Variants in RNFT2 observed in about 807,000 individuals in gnomAD.
RNFT2 encodes the protein ring finger protein, transmembrane 2, also known as E3 ubiquitin-protein ligase RNFT2.
A neutral mutation model predicts 53.0 loss-of-function variants in RNFT2; 36 were observed. The observed-to-expected ratio is 0.68, with a 90% CI of 0.52 to 0.90. The LOEUF is 0.90. Ranked by LOEUF, RNFT2 falls within the 40% of genes least tolerant of loss-of-function variation. The pLI is 0.00. For synonymous variants in RNFT2, 260 were observed against 253.2 expected (o/e 1.03, Z -0.26); for missense variants, 514 against 585.6 (o/e 0.88, Z 1.26).
chr12:116,826,283 C>T (rs1876334866), intron 7 of RNFT2, among the ~76,000 whole-genome samples: 1 of 152,058 alleles, frequency 6.6e-6, no homozygotes, highest in Admixed American at 6.6e-5. Context: ...ATAGAATCCG[C>T]CTTCCCAACT....
intron 5 of RNFT2, among the ~76,000 whole-genome samples, chr12:116,757,181 TC>T: frequency 6.6e-6 from 1 of 152,312 alleles, no homozygotes; most frequent in Non-Finnish European, 1.5e-5. Context: ...ATCTCCTGTT[TC>T]GTTTCTTAGT....
rs1362344336 is a variant in RNFT2, at chr12:116,853,333, A to C, written c.*3885A>C. 1.3e-5 allele frequency: 5 copies of C among 397,386 alleles called. No individual in the cohort carries two copies. The highest frequency in any genetic ancestry group is 1.8e-5 in the Non-Finnish European group (4 of 225,578). 24.6% of individuals were successfully genotyped at this position (397,386 alleles called of 1,614,324 possible). ...TGATTCACTGACTCAAGTTCCACGA[A>C]GTCCTTAGAAATGGACCTCTTCATG... On this transcript the variant is annotated 3_prime_UTR_variant, in exon 11 of 11. Coordinates refer to ENST00000257575, the MANE Select transcript of RNFT2 (RefSeq NM_001382266.1).
chr12:116,740,872 G>A, intron 2 of RNFT2, 164 bp from the exon 3 acceptor site: 1 of 666,426 alleles, frequency 1.5e-6, no homozygotes, highest in Non-Finnish European at 2.7e-6. Context: ...GTCACATTGA[G>A]GATGGAATGG....
At chr12:116,769,405 C>T (rs1235937616) in intron 6 of RNFT2, among the ~76,000 whole-genome samples, 5 of 152,124 alleles carry the variant, frequency 3.3e-5, no homozygotes, top group Non-Finnish European at 2.9e-5. Context: ...ACATTGCTAT[C>T]GTAGGAGATT....
intron 7 of RNFT2, among the ~76,000 whole-genome samples, chr12:116,796,153 C>T (rs1566083934): frequency 6.6e-6 from 1 of 152,068 alleles, no homozygotes; most frequent in Non-Finnish European, 1.5e-5. Context: ...AAGTGATCCA[C>T]CTGCCTCAGC....
At chr12:116,765,802 A>G (rs1015138739) in intron 5 of RNFT2, among the ~76,000 whole-genome samples, 2 of 152,150 alleles carry the variant, frequency 1.3e-5, no homozygotes, top group Middle Eastern at 3.2e-3. Flanking sequence ...CTTGGATTTA[A>G]TTCTACACTG....
chr12:116,821,082 T>C (rs1486500149), intron 7 of RNFT2, among the ~76,000 whole-genome samples: 1 of 152,080 alleles, frequency 6.6e-6, no homozygotes, highest in African/African-American at 2.4e-5. Context: ...GGTAAGCGCT[T>C]AATACGGGGG....
chr12:116,791,455 G>A (rs1291022868), intron 7 of RNFT2, among the ~76,000 whole-genome samples: 1 of 152,152 alleles, frequency 6.6e-6, no homozygotes, highest in Non-Finnish European at 1.5e-5. Context: ...GGGATTACAG[G>A]AGTGCGCCAC....
At chr12:116,802,458 A>C (rs960784585) in intron 7 of RNFT2, among the ~76,000 whole-genome samples, 6 of 152,176 alleles carry the variant, frequency 3.9e-5, no homozygotes. Context: ...AGAGTTGAGG[A>C]ATGATGACAG....
intron 7 of RNFT2, among the ~76,000 whole-genome samples, chr12:116,799,158 T>G (rs1053594693): frequency 2.0e-5 from 3 of 152,200 alleles, no homozygotes; most frequent in African/African-American, 7.2e-5. Flanking sequence ...TCCTCCATCC[T>G]TGCTGGCTGC....
At chr12:116,768,501 T>C (rs1873020170) in intron 6 of RNFT2, among the ~76,000 whole-genome samples, 1 of 152,198 alleles carries the variant, frequency 6.6e-6, no homozygotes, top group Non-Finnish European at 1.5e-5. Flanking sequence ...ATAATGGAGC[T>C]AGAAAATTCT....
At chr12:116,752,595 C>A (rs6490086) in intron 4 of RNFT2, among the ~76,000 whole-genome samples, 139,251 of 152,252 alleles carry the variant, frequency 0.91, 63,899 homozygotes, top group Non-Finnish European at 0.95. Context: ...AGAGTAAGTG[C>A]GACCAGGTAC....
intron 3 of RNFT2, chr12:116,748,574 C>A: frequency 2.6e-6 from 1 of 384,364 alleles, no homozygotes; most frequent in South Asian, 1.8e-5. Flanking sequence ...AGGTATAAGG[C>A]CCCTAGAACA....
intron 10 of RNFT2, among the ~76,000 whole-genome samples, chr12:116,836,693 G>C (rs1229604389): frequency 1.3e-5 from 2 of 152,182 alleles, no homozygotes; most frequent in South Asian, 4.1e-4. Flanking sequence ...GGAAGGCCGA[G>C]GCAGGCAGAT....
At chr12:116,750,783 C>T (rs1398346520) in intron 4 of RNFT2, among the ~76,000 whole-genome samples, 3 of 120,944 alleles carry the variant, frequency 2.5e-5, no homozygotes, top group Non-Finnish European at 5.0e-5. Flanking sequence ...ATTATTTTTA[C>T]TATATGTGTG....
intron 7 of RNFT2, among the ~76,000 whole-genome samples, chr12:116,788,764 T>C (rs1487838305): frequency 6.6e-6 from 1 of 152,034 alleles, no homozygotes; most frequent in Non-Finnish European, 1.5e-5. Context: ...GGTGAATGGA[T>C]ATATAGGTAG....
At chr12:116,810,985 T>C (rs145453946) in intron 7 of RNFT2, among the ~76,000 whole-genome samples, 3,826 of 152,322 alleles carry the variant, frequency 0.025, 269 homozygotes, top group Admixed American at 0.16. Flanking sequence ...TGGAAAGAGC[T>C]TGGGCTCTGG....
chr12:116,819,175 T>C (rs1475797907), intron 7 of RNFT2, among the ~76,000 whole-genome samples: 1 of 152,202 alleles, frequency 6.6e-6, no homozygotes, highest in East Asian at 1.9e-4. Context: ...GCTGATGAGG[T>C]CACTCCCTGC....
chr12:116,797,486 G>A (rs1874557357), intron 7 of RNFT2, among the ~76,000 whole-genome samples: 1 of 151,936 alleles, frequency 6.6e-6, no homozygotes, highest in Non-Finnish European at 1.5e-5. Context: ...TTGAACCCGG[G>A]AGGTGGAGGT....
Sources: gnomAD v4.1 joint callset for allele counts (sites outside exome capture counted in the v4.1 genomes callset) on GRCh38, gnomAD v4.1.1 for gene constraint, MANE v1.5 for transcripts, NCBI Gene and HGNC (gene_info 2026-07-23, HGNC 2026-07-21) for gene names.